LYN: variants seen among roughly 807,000 people sequenced by gnomAD.
The protein encoded by LYN is LYN proto-oncogene, Src family tyrosine kinase, also known as tyrosine-protein kinase Lyn.
In LYN, 12 loss-of-function variants were observed where a neutral mutation model predicts 65.0. The ratio of observed to expected loss-of-function variants is 0.18; its 90% confidence interval spans 0.12 to 0.30. LYN has a LOEUF of 0.30. Among genes scored for constraint, LYN ranks in the 10% least tolerant of loss-of-function variants. The probability of loss-of-function intolerance (pLI) is 1.00; values close to 1 mark genes in which losing one functional copy is unlikely to be tolerated. For synonymous variants in LYN, 222 were observed against 221.2 expected, an observed-to-expected ratio of 1.00 and a Z score of -0.03; for missense variants, 380 against 623.2, an observed-to-expected ratio of 0.61 and a Z score of 4.16.
At chr8:55,916,598 G>T (rs1216956347) in intron 1 of LYN, among the ~76,000 whole-genome samples, 1 of 152,182 alleles carries the variant, frequency 6.6e-6, no homozygotes, top group East Asian at 1.9e-4. Context: ...CTGAGTGCCA[G>T]ATGTGAAGGA....
chr8:55,892,445 G>C (rs1361330194), intron 1 of LYN, among the ~76,000 whole-genome samples: 1 of 152,096 alleles, frequency 6.6e-6, no homozygotes, highest in Non-Finnish European at 1.5e-5. Context: ...TAAAAAAGTT[G>C]CATTAGATGG....
intron 1 of LYN, among the ~76,000 whole-genome samples, chr8:55,892,318 G>A (rs141351914): frequency 3.8e-4 from 58 of 152,262 alleles, no homozygotes; most frequent in African/African-American, 1.3e-3. Flanking sequence ...TACTTGGGAG[G>A]CTGAGGCAGG....
intron 1 of LYN, among the ~76,000 whole-genome samples, chr8:55,892,616 C>T (rs1406863222): frequency 1.3e-5 from 2 of 151,976 alleles, no homozygotes; most frequent in Non-Finnish European, 2.9e-5. Context: ...CATCATAGTT[C>T]ATTGCAGCCT....
At chr8:55,953,692 A>C in intron 7 of LYN, 140 bp from the exon 8 acceptor site, 1 of 619,932 alleles carries the variant, frequency 1.6e-6, no homozygotes, top group Non-Finnish European at 2.6e-6. Flanking sequence ...CAAAAGTCAC[A>C]ATTATGTCAA....
intron 10 of LYN, among the ~76,000 whole-genome samples, chr8:55,983,990 G>A (rs776630083): frequency 6.6e-5 from 10 of 152,092 alleles, no homozygotes; most frequent in African/African-American, 1.2e-4. Context: ...GAATCCTTCC[G>A]TACCTCTTCC....
At position 55,966,782 on chromosome 8, in the gene LYN, C is replaced by G. The variant is rs368946104; in HGVS notation, c.858C>G (p.Ala286=). ...TLKPGTMSVQ[A]FLEEANLMKT... The stretch of plus-strand genomic sequence containing the variant: ...AGCCAGGAACTATGTCTGTGCAAGC[C>G]TTCCTGGAAGAAGCCAACCTCATGA... The change falls in exon 9 of 13, where the codon GCC becomes GCG. Residue 286 remains alanine (A), a synonymous_variant. Coordinates refer to ENST00000519728, the MANE Select transcript of LYN (RefSeq NM_002350.4). The G allele has an allele frequency of 6.2e-7, 1 of 1,614,080 alleles. No individual in the cohort carries two copies. Among genetic ancestry groups the G allele is most frequent in the East Asian group, 2.2e-5 (1 of 44,886 alleles).
Position 56,010,281 on chromosome 8 carries a change from T to G in LYN, c.*171T>G, listed in dbSNP as rs1808778861. On this transcript the variant is annotated 3_prime_UTR_variant, in exon 13 of 13. Transcript: ENST00000519728. ...GAACACCCTCTAAATGGGAAAGTAT[T>G]CTGTACTCTTAGATGGATTCTCCAC... The G allele has an allele frequency of 1.6e-6, 1 of 627,724 alleles. No homozygotes were observed. Among genetic ancestry groups the G allele is most frequent in the Admixed American group, 3.0e-5 (1 of 33,830 alleles). The allele number at this position is 627,724 out of a possible 1,614,324, so 38.9% of individuals were successfully genotyped here.
At chr8:56,001,459 T>C (rs1358210900) in intron 12 of LYN, among the ~76,000 whole-genome samples, 1 of 152,088 alleles carries the variant, frequency 6.6e-6, no homozygotes, top group Non-Finnish European at 1.5e-5. Flanking sequence ...TCACTACTGT[T>C]TCATGTGGGG....
chr8:55,926,633 A>G (rs1185022257), intron 1 of LYN, among the ~76,000 whole-genome samples: 1 of 152,258 alleles, frequency 6.6e-6, no homozygotes, highest in African/African-American at 2.4e-5. Context: ...ATTAAGACAC[A>G]GCAGGTAACG....
rs866671229 is a variant in LYN at position 55,911,200 on chromosome 8, T to C, written c.-5-30655T>C. ...ATATATATATATATACACACACACA[T>C]ATATATATACACGTGTATATATATA... On this transcript the variant is annotated intron_variant, in intron 1 of 12. Coordinates refer to ENST00000519728, the MANE Select transcript of LYN (RefSeq NM_002350.4). Among the ~76,000 whole-genome samples, 151 of 35,224 alleles carry C rather than the reference T, an allele frequency of 4.3e-3. 35 individuals carry two copies. The East Asian group carries it at 0.05, about 12-fold the overall frequency. The allele number at this position is 35,224 out of a possible 152,430, so 23.1% of individuals were successfully genotyped here.
intron 1 of LYN, among the ~76,000 whole-genome samples, chr8:55,915,059 T>TG (rs1287581403): frequency 6.6e-6 from 1 of 152,240 alleles, no homozygotes; most frequent in African/African-American, 2.4e-5. Flanking sequence ...TAATACTTAC[T>TG]GTATTAACCA....
intron 10 of LYN, among the ~76,000 whole-genome samples, chr8:55,974,785 A>C (rs1237106525): frequency 6.6e-6 from 1 of 152,148 alleles, no homozygotes; most frequent in Non-Finnish European, 1.5e-5. Context: ...TTATCTTCAA[A>C]GCCTTGATTA....
rs1808476936 is a variant in LYN, at chr8:56,000,236, A to G, written c.1336+687A>G. On this transcript the variant is annotated intron_variant, in intron 12 of 12. Transcript: ENST00000519728. ...AGGATTTCCGATGCTTGGTTTTGTAATAAGTGCCCTGGAGTCTCTCTCTCT... is the reference window on the plus strand; with the variant it reads ...AGGATTTCCGATGCTTGGTTTTGTAGTAAGTGCCCTGGAGTCTCTCTCTCT... Among the ~76,000 whole-genome samples, 3 of 152,180 alleles carry G rather than the reference A, an allele frequency of 2.0e-5. No homozygotes were observed. The South Asian group carries it at 6.2e-4, about 31-fold the overall frequency.
At chr8:55,898,983 C>G (rs1405977085) in intron 1 of LYN, among the ~76,000 whole-genome samples, 1 of 130,824 alleles carries the variant, frequency 7.6e-6, no homozygotes, top group Non-Finnish European at 1.7e-5. Flanking sequence ...CACCACTGTG[C>G]TGGGCTAATT....
intron 1 of LYN, among the ~76,000 whole-genome samples, chr8:55,941,116 G>A (rs978251071): frequency 3.3e-5 from 5 of 152,138 alleles, no homozygotes; most frequent in African/African-American, 4.8e-5. Context: ...ATGTTTAGCT[G>A]GAGCCAGGTT....
chr8:55,915,235 G>A (rs1805750564), intron 1 of LYN, among the ~76,000 whole-genome samples: 2 of 152,102 alleles, frequency 1.3e-5, no homozygotes, highest in Admixed American at 6.6e-5. Context: ...AACGCATAAG[G>A]TTCTTTGCCT....
In LYN at chr8:55,923,801, ATTG is replaced by A. The variant is rs1806012387; in HGVS notation, c.-5-18050_-5-18048del. 3.3e-5 allele frequency among the ~76,000 whole-genome samples: 5 copies of A among 152,214 alleles called. No individual in the cohort carries two copies. In the South Asian group the frequency reaches 1.0e-3, roughly 32 times the overall value. ...GTGATTTGCCTACCTCGGCCTCCCA[ATTG>A]TTGGGATTAGAGGCGTGAGCCACCG... On this transcript the variant is annotated intron_variant, in intron 1 of 12. Coordinates refer to ENST00000519728, the MANE Select transcript of LYN (RefSeq NM_002350.4).
chr8:55,980,926 G>A (rs1483236933), intron 10 of LYN, among the ~76,000 whole-genome samples: 6 of 152,078 alleles, frequency 3.9e-5, no homozygotes, highest in African/African-American at 1.4e-4. Context: ...CCCACTCAAT[G>A]CCAGCTCCCC....
intron 1 of LYN, among the ~76,000 whole-genome samples, chr8:55,883,650 A>T (rs373437467): frequency 6.6e-6 from 1 of 152,194 alleles, no homozygotes. Flanking sequence ...AACTTTGCCA[A>T]CCTCCTGGTT....
Sources: gnomAD v4.1 joint callset for allele counts (sites outside exome capture counted in the v4.1 genomes callset) on GRCh38, gnomAD v4.1.1 for gene constraint, MANE v1.5 for transcripts, NCBI Gene and HGNC (gene_info 2026-07-23, HGNC 2026-07-21) for gene names.